TCF12: variants seen among roughly 807,000 people sequenced by gnomAD.
TCF12 encodes DNA-binding protein HTF4.
TCF12 carries 45 observed loss-of-function variants against 86.0 expected under a neutral mutation model. The ratio of observed to expected loss-of-function variants is 0.52; its 90% CI spans 0.41 to 0.67. The LOEUF (loss-of-function observed/expected upper bound fraction) is 0.67. Ranked by LOEUF, TCF12 falls within the 30% of genes least tolerant of loss-of-function variation. TCF12 has a pLI of 0.00. For synonymous variants in TCF12, 330 were observed against 299.6 expected (o/e 1.10, Z -1.05); for missense variants, 881 against 859.9 (o/e 1.02, Z -0.31).
chr15:57,221,189 A>C (rs1184278142), intron 8 of TCF12, among the ~76,000 whole-genome samples: 6 of 152,176 alleles, frequency 3.9e-5, no homozygotes, highest in African/African-American at 1.4e-4. Context: ...TAAACTCATT[A>C]AAAAGTGTAT....
At chr15:57,118,954 TC>T (rs1156251324) in intron 5 of TCF12, among the ~76,000 whole-genome samples, 2 of 152,176 alleles carry the variant, frequency 1.3e-5, no homozygotes, top group Non-Finnish European at 2.9e-5. Flanking sequence ...TCCTTTTTTT[TC>T]CCCCAAAGGA....
At chr15:57,048,687 C>T (rs570037917) in intron 3 of TCF12, among the ~76,000 whole-genome samples, 2 of 151,958 alleles carry the variant, frequency 1.3e-5, no homozygotes, top group Non-Finnish European at 2.9e-5. Flanking sequence ...TATCGAGTTA[C>T]AATTTTAATG....
At chr15:57,269,843 G>A (rs781016918) in intron 18 of TCF12, among the ~76,000 whole-genome samples, 16 of 152,098 alleles carry the variant, frequency 1.1e-4, no homozygotes, top group Non-Finnish European at 1.9e-4. Flanking sequence ...ATGAAATTCT[G>A]GGTTGAAAAT....
At position 57,025,417 on chromosome 15, in the gene TCF12, C is replaced by T. The variant is rs150339304; in HGVS notation, c.149-38333C>T. Among the ~76,000 whole-genome samples, 794 of 152,158 alleles carry T rather than the reference C, an allele frequency of 5.2e-3. 9 individuals carry two copies. The highest frequency in any genetic ancestry group is 0.019 in the African/African-American group (769 of 41,534). On this transcript the variant is annotated intron_variant, in intron 3 of 20. Transcript: ENST00000333725. ...ACTAAAATCACATTTATTGAGGTTT[C>T]TTTGGGGCACTCCTGCTTGCGTTTT...
At chr15:57,008,814 A>C (rs1246865956) in intron 3 of TCF12, among the ~76,000 whole-genome samples, 3 of 152,122 alleles carry the variant, frequency 2.0e-5, no homozygotes, top group Non-Finnish European at 4.4e-5. Flanking sequence ...ACATAAAGCA[A>C]AATTGTAGAT....
intron 5 of TCF12, among the ~76,000 whole-genome samples, chr15:57,111,396 T>C (rs1367808183): frequency 6.6e-6 from 1 of 152,104 alleles, no homozygotes; most frequent in African/African-American, 2.4e-5. Flanking sequence ...AGAGATCATT[T>C]AGACTGAGGT....
At chr15:57,197,711 T>C (rs2057340161) in intron 7 of TCF12, 62 bp from the exon 8 acceptor site, 1 of 1,571,044 alleles carries the variant, frequency 6.4e-7, no homozygotes, top group South Asian at 1.2e-5. Flanking sequence ...TTCTGTTAAT[T>C]TGAAGTCTTG....
chr15:57,034,246 A>G (rs2066370882), intron 3 of TCF12, among the ~76,000 whole-genome samples: 1 of 152,148 alleles, frequency 6.6e-6, no homozygotes. Context: ...GGTTAAATAA[A>G]CTATTATATT....
intron 3 of TCF12, among the ~76,000 whole-genome samples, chr15:56,958,968 G>T (rs935253486): frequency 6.6e-6 from 1 of 152,166 alleles, no homozygotes; most frequent in East Asian, 1.9e-4. Context: ...TTCAACCTCA[G>T]TGCCCTTTAT....
At chr15:57,252,927 CTTTTT>C (rs57946842) in intron 15 of TCF12, among the ~76,000 whole-genome samples, 17 of 89,772 alleles carry the variant, frequency 1.9e-4, no homozygotes, top group Non-Finnish European at 1.2e-4. Context: ...ATAGGTTGTA[CTTTTT>C]TTTTTTTTTT....
At chr15:57,136,723 T>C (rs903233071) in intron 5 of TCF12, among the ~76,000 whole-genome samples, 6 of 152,190 alleles carry the variant, frequency 3.9e-5, no homozygotes, top group African/African-American at 1.4e-4. Flanking sequence ...TCACCCAGGC[T>C]GGAGTGCAGT....
chr15:57,217,720 TTTTG>T (rs1301542469), intron 8 of TCF12, among the ~76,000 whole-genome samples: 2 of 152,160 alleles, frequency 1.3e-5, no homozygotes, highest in Non-Finnish European at 2.9e-5. Flanking sequence ...TTTGATTCGA[TTTTG>T]TTTGATTTTC....
chr15:57,261,974 G>A (rs1195303693), intron 16 of TCF12, 120 bp from the exon 17 acceptor site: 2 of 566,070 alleles, frequency 3.5e-6, no homozygotes, highest in Admixed American at 3.6e-5. Context: ...TCCAGAAAAA[G>A]TTGCTGAAAT....
At chr15:57,007,755 C>CT (rs774505040) in intron 3 of TCF12, among the ~76,000 whole-genome samples, 1,137 of 83,958 alleles carry the variant, frequency 0.014, 13 homozygotes, top group Non-Finnish European at 0.02. Flanking sequence ...AATATTTTTC[C>CT]TTCTTTCTTT....
intron 13 of TCF12, among the ~76,000 whole-genome samples, chr15:57,248,403 A>C (rs540157646): frequency 7.2e-5 from 11 of 152,372 alleles, no homozygotes; most frequent in African/African-American, 2.6e-4. Context: ...GTTATTTAGG[A>C]AAAGATGAGC....
chr15:57,250,697 C>G lies in TCF12; in HGVS notation c.1115-653C>G, dbSNP rs553741537. Among the ~76,000 whole-genome samples the G allele has an allele frequency of 8.0e-4, 121 of 151,506 alleles. 2 individuals carry two copies. The South Asian group carries it at 0.024, about 30-fold the overall frequency. ...TGAGTCAAGATTGTACCAGTGCACT[C>G]CAGCCCAGGTAACAGAGCAAGATGC... is the stretch of plus-strand genomic sequence containing the variant. On this transcript the variant is annotated intron_variant, in intron 13 of 20. Transcript: ENST00000333725.
chr15:57,254,874 A>AAAAAAAAAAAAAAAAG (rs1555410242), intron 16 of TCF12, among the ~76,000 whole-genome samples: 3 of 108,846 alleles, frequency 2.8e-5, no homozygotes, highest in African/African-American at 5.8e-5. Context: ...AAAAAAAAAA[A>AAAAAAAAAAAAAAAAG]AAAGAAAGAA....
chr15:57,061,466 T>C (rs1329629332), intron 3 of TCF12, among the ~76,000 whole-genome samples: 1 of 152,132 alleles, frequency 6.6e-6, no homozygotes, highest in Non-Finnish European at 1.5e-5. Flanking sequence ...TAGCTGAGCA[T>C]TGTGGCATGT....
At chr15:57,252,862 C>G (rs2060180570) in intron 15 of TCF12, among the ~76,000 whole-genome samples, 1 of 150,668 alleles carries the variant, frequency 6.6e-6, no homozygotes. Context: ...CTTAAACTTA[C>G]TGGATTTGAG....
Sources: gnomAD v4.1 joint callset for allele counts (sites outside exome capture counted in the v4.1 genomes callset) on GRCh38, gnomAD v4.1.1 for gene constraint, MANE v1.5 for transcripts, NCBI Gene and HGNC (gene_info 2026-07-23, HGNC 2026-07-21) for gene names.